The following FAAH2 variants were observed in gnomAD, a reference collection of about 807,000 sequenced individuals.
The protein encoded by FAAH2 is fatty-acid amide hydrolase 2.
FAAH2 carries 60 observed loss-of-function variants against 36.9 expected under a neutral mutation model. That is an observed-to-expected ratio of 1.63 (90% CI 1.32 to 2.02). FAAH2 has a LOEUF of 2.02. FAAH2 is among the 30% of genes most tolerant of loss of function. FAAH2 has a pLI of 0.00. For missense variants in FAAH2, 689 were observed against 397.5 expected (o/e 1.73, Z -6.23); for synonymous variants, 214 against 143.8 (o/e 1.49, Z -3.49).
chrX:57,324,820 A>G (rs763581936), intron 3 of FAAH2, among the ~76,000 whole-genome samples: 1 of 112,107 alleles, frequency 8.9e-6, no homozygotes, highest in Admixed American at 9.4e-5. Flanking sequence ...TTCCTAATGA[A>G]TACCCTTTAT....
the FAAH2 span, among the ~76,000 whole-genome samples, chrX:57,216,122 T>A: frequency 9.2e-6 from 1 of 108,595 alleles, no homozygotes. Flanking sequence ...TACATTTTTT[T>A]TAAATTTTGT....
At chrX:57,164,730 G>A in the FAAH2 span, among the ~76,000 whole-genome samples, 1 of 112,667 alleles carries the variant, frequency 8.9e-6, no homozygotes, top group Non-Finnish European at 1.9e-5. Flanking sequence ...GCATTTTGCA[G>A]TGGCATTTCT....
intron 7 of FAAH2, among the ~76,000 whole-genome samples, chrX:57,427,773 T>C (rs940184315): frequency 2.7e-5 from 3 of 111,372 alleles, no homozygotes; most frequent in African/African-American, 9.8e-5. Flanking sequence ...AAAAACCGTA[T>C]ATAAGAAGCC....
At chrX:57,291,203 C>T (rs755184262) in intron 1 of FAAH2, among the ~76,000 whole-genome samples, 18 of 111,691 alleles carry the variant, frequency 1.6e-4, no homozygotes, top group South Asian at 3.7e-4. Flanking sequence ...TCTGAGGGAG[C>T]TATATTGTTT....
At chrX:57,394,225 CAT>C (rs1016612030) in intron 7 of FAAH2, 16 of 688,588 alleles carry the variant, frequency 2.3e-5, no homozygotes, top group Non-Finnish European at 3.8e-5. Context: ...GTCGCACACA[CAT>C]AAAAAAGTTC....
intron 5 of FAAH2, among the ~76,000 whole-genome samples, chrX:57,370,578 T>C (rs1023372807): frequency 9.0e-6 from 1 of 111,675 alleles, no homozygotes; most frequent in African/African-American, 3.3e-5. Context: ...ACAAAATTAA[T>C]GAAAACTCAG....
the FAAH2 span, among the ~76,000 whole-genome samples, chrX:57,199,484 T>G: frequency 2.0e-4 from 22 of 111,599 alleles, no homozygotes; most frequent in South Asian, 7.6e-4. Flanking sequence ...CTTTAAGACT[T>G]GTTTGTGACC....
At chrX:57,471,199 CCT>C in intron 10 of FAAH2, among the ~76,000 whole-genome samples, 1 of 111,699 alleles carries the variant, frequency 9.0e-6, no homozygotes, top group Admixed American at 9.5e-5. Flanking sequence ...ACAGGGATGA[CCT>C]CTCTCACCAT....
chrX:57,448,602 G>A lies in FAAH2; in HGVS notation c.1307G>A (p.Arg436His), dbSNP rs760161926. ...TTTAAGGCAGTGGAAGAAAGCCTGCGTAAAGAGCTGGTGGATATGCTAGGT... is the reference window on the plus strand; with the variant it reads ...TTTAAGGCAGTGGAAGAAAGCCTGCATAAAGAGCTGGTGGATATGCTAGGT... ...QKFKAVEESLRKELVDMLGDD... is the reference protein window; with the variant it reads ...QKFKAVEESLHKELVDMLGDD... Residue 436 changes from arginine to histidine, a missense_variant, in exon 10 of 11, where the codon CGT (arginine) becomes CAT (histidine). Arg to His is a conservative substitution (Grantham distance 29). Coordinates refer to ENST00000374900, the MANE Select transcript of FAAH2 (RefSeq NM_174912.4). The A allele has an allele frequency of 4.6e-5, 56 of 1,209,767 alleles. No individual in the cohort carries two copies. Among genetic ancestry groups the A allele is most frequent in the Middle Eastern group, 2.3e-4 (1 of 4,352 alleles).
chrX:57,284,753 G>C (rs1240973956), upstream of FAAH2, among the ~76,000 whole-genome samples: 2 of 110,883 alleles, frequency 1.8e-5, no homozygotes, highest in African/African-American at 6.6e-5. Context: ...ATTTAAGATT[G>C]TAAAAAAAAA....
chrX:57,176,148 A>T, the FAAH2 span, among the ~76,000 whole-genome samples: 171 of 111,927 alleles, frequency 1.5e-3, 1 homozygote, highest in African/African-American at 5.1e-3. Context: ...TTTTCCCTCA[A>T]TTATTCCCTC....
chrX:57,279,502 G>A, the FAAH2 span, among the ~76,000 whole-genome samples: 7 of 111,415 alleles, frequency 6.3e-5, no homozygotes, highest in Admixed American at 1.9e-4. Flanking sequence ...ACCTAATGTA[G>A]GTGACGGGTT....
chrX:57,446,811 T>C (rs2056684406), intron 8 of FAAH2, 117 bp from the exon 9 acceptor site: 3 of 439,655 alleles, frequency 6.8e-6, no homozygotes, highest in Non-Finnish European at 1.2e-5. Context: ...TATTCATCAA[T>C]TGACTGGTAT....
At chrX:57,186,999 T>C in the FAAH2 span, among the ~76,000 whole-genome samples, 1 of 111,940 alleles carries the variant, frequency 8.9e-6, no homozygotes, top group Non-Finnish European at 1.9e-5. Flanking sequence ...GGTAGCATGA[T>C]GCCTCCAGCT....
intron 10 of FAAH2, among the ~76,000 whole-genome samples, chrX:57,476,168 T>G (rs779622277): frequency 9.0e-5 from 10 of 111,393 alleles, no homozygotes; most frequent in Non-Finnish European, 1.7e-4. Flanking sequence ...TTCCTCTTTT[T>G]CTACTTGAAT....
chrX:57,138,376 A>G, the FAAH2 span, among the ~76,000 whole-genome samples: 45 of 111,084 alleles, frequency 4.1e-4, no homozygotes, highest in African/African-American at 1.4e-3. Context: ...GAAAAGTTAA[A>G]TAAGTGTTAG....
chrX:57,267,961 A>T, the FAAH2 span, among the ~76,000 whole-genome samples: 1 of 112,652 alleles, frequency 8.9e-6, no homozygotes. Flanking sequence ...AAATGACCAC[A>T]TTCACTCTTC....
chrX:57,436,510 C>T (rs888280608), intron 8 of FAAH2, among the ~76,000 whole-genome samples: 2 of 108,316 alleles, frequency 1.8e-5, no homozygotes, highest in African/African-American at 6.6e-5. Flanking sequence ...AGAGAGATTA[C>T]AACAAAATCA....
At chrX:57,222,812 A>G in the FAAH2 span, among the ~76,000 whole-genome samples, 1 of 111,192 alleles carries the variant, frequency 9.0e-6, no homozygotes, top group Non-Finnish European at 1.9e-5. Flanking sequence ...ACCTTTTCCA[A>G]ACCTAACAGA....
Sources: gnomAD v4.1 joint callset for allele counts (sites outside exome capture counted in the v4.1 genomes callset) on GRCh38, gnomAD v4.1.1 for gene constraint, MANE v1.5 for transcripts, NCBI Gene and HGNC (gene_info 2026-07-23, HGNC 2026-07-21) for gene names.